IPO7: variants seen among roughly 807,000 people sequenced by gnomAD.
The protein encoded by IPO7 is importin-7.
IPO7 carries 13 observed loss-of-function variants against 136.4 expected under a neutral mutation model. The observed-to-expected ratio is 0.10, with a 90% CI of 0.06 to 0.15. The LOEUF (loss-of-function observed/expected upper bound fraction) is 0.15, where lower values mean the gene tolerates loss of function less well. IPO7 is among the 10% of genes least tolerant of loss of function. The probability of loss-of-function intolerance (pLI) is 1.00; values close to 1 mark genes in which losing one functional copy is unlikely to be tolerated. For missense variants in IPO7, 857 were observed against 1,240.6 expected (o/e 0.69, Z 4.65); for synonymous variants, 403 against 404.4 (o/e 1.00, Z 0.04).
intron 23 of IPO7, 126 bp from the exon 24 acceptor site, chr11:9,441,954 TG>T (rs1855464788): frequency 1.9e-6 from 1 of 513,054 alleles, no homozygotes; most frequent in Admixed American, 3.3e-5. Flanking sequence ...TAAAAATTAT[TG>T]GGAGAATATA....
chr11:9,417,161 A>G lies in IPO7; in HGVS notation c.726+13A>G, dbSNP rs780972738. On this transcript the variant is annotated intron_variant, in intron 6 of 24. Transcript: ENST00000379719. Reference sequence around the variant, plus strand: ...GGATGTACCTAATGTAAGTTTCTGTATGTTCTCTTATATTACTAAATGTAA... The same window carrying G: ...GGATGTACCTAATGTAAGTTTCTGTGTGTTCTCTTATATTACTAAATGTAA... The G allele has an allele frequency of 5.6e-6, 6 of 1,076,450 alleles. No homozygotes were observed. The highest frequency in any genetic ancestry group is 1.4e-5 in the South Asian group (1 of 72,398). 66.7% of individuals were successfully genotyped at this position (1,076,450 alleles called of 1,614,324 possible).
chr11:9,426,558 C>T (rs151059039), intron 12 of IPO7, among the ~76,000 whole-genome samples: 68 of 152,230 alleles, frequency 4.5e-4, no homozygotes, highest in African/African-American at 1.6e-3. Context: ...TGAGACACCG[C>T]AGAACCCATT....
Position 9,428,603 on chromosome 11 carries a change from A to G in IPO7, c.1399A>G (p.Ser467Gly), listed in dbSNP as rs141136906. ...LQNHVFPLFSSELGYMRARAC... is the reference protein window; with the variant it reads ...LQNHVFPLFSGELGYMRARAC... ...GAATCATGTATTCCCTCTCTTCAGCAGTGAACTAGGCTACATGAGAGCAAG... is the reference window on the plus strand; with the variant it reads ...GAATCATGTATTCCCTCTCTTCAGCGGTGAACTAGGCTACATGAGAGCAAG... Residue 467 changes from serine (S) to glycine (G), a missense_variant, in exon 13 of 25, where the codon AGT becomes GGT. By Grantham distance (56) the Ser-to-Gly change is moderately conservative. This residue lies in a region of IPO7 where 127 missense variants were observed against 222.4 expected (regional missense o/e 0.57). Transcript: ENST00000379719. 130 of 1,577,080 alleles carry G rather than the reference A, an allele frequency of 8.2e-5. No individual in the cohort carries two copies. The highest frequency in any genetic ancestry group is 1.1e-4 in the Non-Finnish European group (122 of 1,149,032).
chr11:9,408,956 A>G (rs1213965901), intron 3 of IPO7, among the ~76,000 whole-genome samples: 4 of 151,330 alleles, frequency 2.6e-5, no homozygotes, highest in Non-Finnish European at 5.9e-5. Context: ...TCGTGATCCA[A>G]CTGCCTCGGC....
intron 10 of IPO7, among the ~76,000 whole-genome samples, chr11:9,424,226 A>G (rs571327203): frequency 1.3e-5 from 2 of 152,340 alleles, no homozygotes; most frequent in South Asian, 2.1e-4. Flanking sequence ...CTGGTGTCAC[A>G]TGAAGTCCTT....
intron 1 of IPO7, among the ~76,000 whole-genome samples, chr11:9,387,836 A>C (rs71463729): frequency 0.11 from 16,659 of 149,710 alleles, 1,225 homozygotes; most frequent in Non-Finnish European, 0.15. Context: ...ATCTCAAAAA[A>C]ATTAATTAAT....
intron 1 of IPO7, among the ~76,000 whole-genome samples, chr11:9,397,341 A>AAT (rs1398990687): frequency 9.3e-5 from 1 of 10,762 alleles, no homozygotes; most frequent in Admixed American, 2.1e-3. Flanking sequence ...TTTAAAAAAA[A>AAT]ATATATATAT....
At chr11:9,403,579 AG>A in intron 2 of IPO7, 1 of 498,996 alleles carries the variant, frequency 2.0e-6, no homozygotes, top group Non-Finnish European at 3.5e-6. Flanking sequence ...GAATTAAAAT[AG>A]AAGCTTCAAA....
intron 23 of IPO7, 107 bp from the exon 24 acceptor site, chr11:9,441,974 C>A: frequency 1.8e-6 from 1 of 553,732 alleles, no homozygotes. Context: ...TAAAATAGAT[C>A]AGAATTTCAG....
At chr11:9,442,236 T>C (rs1054733993) in intron 24 of IPO7, 39 bp downstream of exon 24, 1 of 865,210 alleles carries the variant, frequency 1.2e-6, no homozygotes, top group Non-Finnish European at 1.9e-6. Flanking sequence ...AATTAGTGAC[T>C]TTTATAGGTT....
In IPO7 at chr11:9,447,147, A is replaced by T. The variant is rs1050738997; in HGVS notation, c.*1953A>T. 6.6e-6 allele frequency: 1 copy of T among 152,206 alleles called. No homozygotes were observed. Among genetic ancestry groups the T allele is most frequent in the South Asian group, 2.1e-4 (1 of 4,836 alleles). 9.4% of individuals were successfully genotyped at this position (152,206 alleles called of 1,614,324 possible). ...CCCCTAATACCTAGTCTACTTTTTA[A>T]ATTTTCAGACTTCACTGCTTTTTGA... On this transcript the variant is annotated 3_prime_UTR_variant, in exon 25 of 25. Coordinates refer to ENST00000379719, the MANE Select transcript of IPO7 (RefSeq NM_006391.3).
At chr11:9,397,168 G>A (rs2133724063) in intron 1 of IPO7, among the ~76,000 whole-genome samples, 1 of 150,042 alleles carries the variant, frequency 6.7e-6, no homozygotes, top group African/African-American at 2.5e-5. Flanking sequence ...TGCCCAGGCT[G>A]GAGTGGAGTG....
chr11:9,391,986 C>A (rs1854639946), intron 1 of IPO7, among the ~76,000 whole-genome samples: 1 of 151,860 alleles, frequency 6.6e-6, no homozygotes, highest in South Asian at 2.1e-4. Flanking sequence ...AGCCTTGACT[C>A]CCAAGTGCTA....
intron 4 of IPO7, among the ~76,000 whole-genome samples, chr11:9,410,591 G>A (rs1187829677): frequency 3.2e-5 from 3 of 94,358 alleles, no homozygotes; most frequent in Admixed American, 1.1e-4. Context: ...CTATTTCATT[G>A]TTGCATATTT....
At chr11:9,396,054 T>C (rs116979351) in intron 1 of IPO7, among the ~76,000 whole-genome samples, 6,516 of 152,034 alleles carry the variant, frequency 0.043, 194 homozygotes, top group Non-Finnish European at 0.069. Context: ...CCATTGCACT[T>C]TTAAAATTTA....
intron 4 of IPO7, among the ~76,000 whole-genome samples, chr11:9,412,620 A>C (rs2133740155): frequency 6.6e-6 from 1 of 152,266 alleles, no homozygotes; most frequent in Admixed American, 6.5e-5. Context: ...GTTTGAGACC[A>C]GCTTGGGCAA....
chr11:9,423,965 ATCT>A (rs1855169170), intron 10 of IPO7, 89 bp downstream of exon 10: 1 of 698,284 alleles, frequency 1.4e-6, no homozygotes, highest in East Asian at 2.6e-5. Flanking sequence ...GGTATTATGT[ATCT>A]TCTTTGTTGT....
At chr11:9,441,462 C>G (rs867993992) in intron 23 of IPO7, among the ~76,000 whole-genome samples, 1 of 152,306 alleles carries the variant, frequency 6.6e-6, no homozygotes, top group Middle Eastern at 3.4e-3. Flanking sequence ...TTCCTATGCA[C>G]TGGGAACTGA....
rs768649128 is a variant in IPO7, at chr11:9,424,905, G to C, written c.1142-9G>C. 1 of 1,550,520 alleles carries C rather than the reference G, an allele frequency of 6.4e-7. No homozygotes were observed. The highest frequency in any genetic ancestry group is 1.8e-5 in the Admixed American group (1 of 54,856). ...TGTTTATTGTCTTAATTTTAAACTTGTTCTCTAGATGTGTTTGAAGATTTC... is the reference window on the plus strand; with the variant it reads ...TGTTTATTGTCTTAATTTTAAACTTCTTCTCTAGATGTGTTTGAAGATTTC... On this transcript the variant is annotated splice_polypyrimidine_tract_variant and intron_variant, in intron 10 of 24. Coordinates refer to ENST00000379719, the MANE Select transcript of IPO7 (RefSeq NM_006391.3).
Sources: gnomAD v4.1 joint callset for allele counts (sites outside exome capture counted in the v4.1 genomes callset) on GRCh38, gnomAD v4.1.1 for gene constraint, gnomAD v4.1.1 regional missense constraint, MANE v1.5 for transcripts, NCBI Gene and HGNC (gene_info 2026-07-23, HGNC 2026-07-21) for gene names.